JAZF1: variants seen among roughly 807,000 people sequenced by gnomAD.
JAZF1 encodes JAZF zinc finger 1, also known as juxtaposed with another zinc finger protein 1.
JAZF1 carries 8 observed loss-of-function variants against 26.4 expected under a neutral mutation model. That is an observed-to-expected ratio of 0.30 (90% CI 0.18 to 0.55). The LOEUF (loss-of-function observed/expected upper bound fraction) is 0.55, where lower values mean the gene tolerates loss of function less well. Ranked by LOEUF, JAZF1 falls within the 20% of genes least tolerant of loss-of-function variation. The probability of loss-of-function intolerance (pLI) is 0.94; values close to 1 mark genes in which losing one functional copy is unlikely to be tolerated. For missense variants in JAZF1, 199 were observed against 322.0 expected (o/e 0.62, Z 2.92); for synonymous variants, 126 against 122.3 (o/e 1.03, Z -0.20).
chr7:28,051,131 CAAAAAAAAAAA>C (rs775277755), intron 1 of JAZF1, among the ~76,000 whole-genome samples: 3 of 96,566 alleles, frequency 3.1e-5, no homozygotes, highest in South Asian at 3.2e-4. Flanking sequence ...GACTCCATCT[CAAAAAAAAAAA>C]AAAAAAAAAA....
At chr7:28,014,945 A>C (rs772665737) in intron 1 of JAZF1, among the ~76,000 whole-genome samples, 72 of 152,284 alleles carry the variant, frequency 4.7e-4, no homozygotes, top group Middle Eastern at 3.4e-3. Context: ...AGTGGTTTAA[A>C]GTGCGGTCCT....
chr7:28,176,642 T>G (rs1308931071), intron 1 of JAZF1, among the ~76,000 whole-genome samples: 1 of 152,204 alleles, frequency 6.6e-6, no homozygotes, highest in East Asian at 1.9e-4. Context: ...ATATTTTCAT[T>G]TTGTTAACCA....
intron 3 of JAZF1, among the ~76,000 whole-genome samples, chr7:27,882,134 T>C (rs1012355329): frequency 6.6e-6 from 1 of 152,130 alleles, no homozygotes; most frequent in African/African-American, 2.4e-5. Flanking sequence ...CTACTTAGAA[T>C]ACTCTGGCTG....
intron 2 of JAZF1, among the ~76,000 whole-genome samples, chr7:27,935,487 A>C (rs925574187): frequency 2.0e-5 from 3 of 152,204 alleles, no homozygotes; most frequent in Non-Finnish European, 2.9e-5. Flanking sequence ...TGAAATCCAG[A>C]ATAGGCAAAT....
chr7:28,080,110 A>G (rs141919778), intron 1 of JAZF1, among the ~76,000 whole-genome samples: 1 of 152,390 alleles, frequency 6.6e-6, no homozygotes, highest in African/African-American at 2.4e-5. Context: ...GATCTTCTGG[A>G]TAAATTGTTG....
At chr7:27,961,702 G>T (rs1785187091) in intron 2 of JAZF1, among the ~76,000 whole-genome samples, 1 of 152,204 alleles carries the variant, frequency 6.6e-6, no homozygotes, top group Non-Finnish European at 1.5e-5. Context: ...CGACTTTGAT[G>T]CTAGCTGGAC....
Position 27,832,446 on chromosome 7 carries a change from A to C in JAZF1, c.*354T>G, listed in dbSNP as rs1003056536. The C allele has an allele frequency of 8.5e-6, 2 of 235,468 alleles. No homozygotes were observed. Among genetic ancestry groups the C allele is most frequent in the Admixed American group, 1.1e-4 (2 of 18,072 alleles). 14.6% of individuals were successfully genotyped at this position (235,468 alleles called of 1,614,324 possible). A position where few individuals can be genotyped will look rare whatever the true frequency, so the allele number is the denominator to read the frequency against. Reference sequence around the variant, plus strand: ...ATTACAATCTTGAAAAAAAAATCTCAGTGCCAGCCCCTCCTCCCCCCAGGT... The same window carrying C: ...ATTACAATCTTGAAAAAAAAATCTCCGTGCCAGCCCCTCCTCCCCCCAGGT... On this transcript the variant is annotated 3_prime_UTR_variant, in exon 5 of 5. Coordinates refer to ENST00000283928, the MANE Select transcript of JAZF1 (RefSeq NM_175061.4).
At position 27,971,919 on chromosome 7, in the gene JAZF1, G is replaced by A. The variant is rs182833851; in HGVS notation, c.188+19990C>T. Among the ~76,000 whole-genome samples, 63 of 152,296 alleles carry A rather than the reference G, an allele frequency of 4.1e-4. No individual in the cohort carries two copies. In the Middle Eastern group the frequency reaches 0.01, roughly 25 times the overall value. ...TGGTAAGACATGATGGGAGGGCAAT[G>A]CAATATACACACATGTAAAACTGTA... On this transcript the variant is annotated intron_variant, in intron 2 of 4. Transcript: ENST00000283928.
At chr7:28,161,930 CT>C (rs1783298722) in intron 1 of JAZF1, among the ~76,000 whole-genome samples, 1 of 152,150 alleles carries the variant, frequency 6.6e-6, no homozygotes, top group African/African-American at 2.4e-5. Context: ...TATATAGTAC[CT>C]CCTTTGCAGC....
intron 1 of JAZF1, among the ~76,000 whole-genome samples, chr7:28,152,999 G>T (rs529514896): frequency 4.6e-5 from 7 of 152,296 alleles, no homozygotes; most frequent in African/African-American, 1.7e-4. Flanking sequence ...TAGTTTCTTA[G>T]TTTCTAGGGA....
At chr7:27,908,285 A>C (rs960175818) in intron 2 of JAZF1, among the ~76,000 whole-genome samples, 1 of 152,232 alleles carries the variant, frequency 6.6e-6, no homozygotes, top group African/African-American at 2.4e-5. Flanking sequence ...GATAGAGCAG[A>C]GTTTACAGCA....
At chr7:28,027,237 C>T (rs987103211) in intron 1 of JAZF1, among the ~76,000 whole-genome samples, 3 of 152,152 alleles carry the variant, frequency 2.0e-5, no homozygotes, top group African/African-American at 4.8e-5. Flanking sequence ...GTTGCTTCCA[C>T]GGTGAAGAAG....
chr7:27,872,634 A>T (rs1227709742), intron 3 of JAZF1, among the ~76,000 whole-genome samples: 1 of 152,226 alleles, frequency 6.6e-6, no homozygotes, highest in African/African-American at 2.4e-5. Context: ...ACTGGGGAAA[A>T]TGAACATCTG....
intron 4 of JAZF1, among the ~76,000 whole-genome samples, chr7:27,837,074 G>C (rs929351165): frequency 2.6e-5 from 4 of 151,984 alleles, no homozygotes; most frequent in Non-Finnish European, 5.9e-5. Context: ...ATCTGTCTCT[G>C]TTGCTGAAAC....
rs1783629096 is a variant in JAZF1 at position 28,180,578 on chromosome 7, G to C, written c.-1C>G. 1 of 1,607,360 alleles carries C rather than the reference G, an allele frequency of 6.2e-7. No individual in the cohort carries two copies. Among genetic ancestry groups the C allele is most frequent in the Non-Finnish European group, 8.5e-7 (1 of 1,176,888 alleles). On this transcript the variant is annotated 5_prime_UTR_variant, in exon 1 of 5. Transcript: ENST00000283928. ...AGGAGGCGGCGGCGATGCCTGTCAT[G>C]GTGCTACATCGAGAGCCCCCCTGGT...
At chr7:27,900,105 G>A (rs918837751) in intron 2 of JAZF1, among the ~76,000 whole-genome samples, 1 of 152,154 alleles carries the variant, frequency 6.6e-6, no homozygotes, top group South Asian at 2.1e-4. Context: ...ACTGGGCTAC[G>A]ATCTGGGAAA....
intron 1 of JAZF1, among the ~76,000 whole-genome samples, chr7:28,058,149 GA>G (rs1307125357): frequency 6.6e-6 from 1 of 152,094 alleles, no homozygotes; most frequent in African/African-American, 2.4e-5. Context: ...TCCTGGTGGG[GA>G]CACCAATCAC....
chr7:28,043,035 A>T lies in JAZF1; in HGVS notation c.116-51054T>A, dbSNP rs150619942. Among the ~76,000 whole-genome samples, 631 of 152,290 alleles carry T rather than the reference A, an allele frequency of 4.1e-3. 7 individuals are homozygous for T. Among genetic ancestry groups the T allele is most frequent in the African/African-American group, 0.015 (606 of 41,564 alleles). On this transcript the variant is annotated intron_variant, in intron 1 of 4. Transcript: ENST00000283928. ...TCCTGCTGTACTATGATCCTGCAAAAATGTAAGACAGATTTGAAACTGCTG... is the reference window on the plus strand; with the variant it reads ...TCCTGCTGTACTATGATCCTGCAAATATGTAAGACAGATTTGAAACTGCTG...
At chr7:28,056,937 A>G (rs1338221954) in intron 1 of JAZF1, among the ~76,000 whole-genome samples, 1 of 152,284 alleles carries the variant, frequency 6.6e-6, no homozygotes, top group South Asian at 2.1e-4. Flanking sequence ...TCTTTAGGGG[A>G]TAAGATTTTG....
Sources: allele counts gnomAD v4.1 joint callset (sites outside exome capture counted in the v4.1 genomes callset), GRCh38; gene constraint gnomAD v4.1.1; transcripts MANE v1.5; gene names NCBI Gene and HGNC (gene_info 2026-07-23, HGNC 2026-07-21).